Variants in TXNRD1 observed in about 807,000 individuals in gnomAD.
TXNRD1 encodes the protein thioredoxin reductase 1, cytoplasmic.
In TXNRD1, 57 loss-of-function variants were observed where a neutral mutation model predicts 80.3. The observed-to-expected ratio is 0.71, with a 90% confidence interval of 0.57 to 0.89. TXNRD1 has a LOEUF of 0.89. Ranked by LOEUF, TXNRD1 falls within the 40% of genes least tolerant of loss-of-function variation. TXNRD1 has a pLI of 0.00. For synonymous variants in TXNRD1, 291 were observed against 285.2 expected, an observed-to-expected ratio of 1.02 and a Z score of -0.20; for missense variants, 730 against 803.0, an observed-to-expected ratio of 0.91 and a Z score of 1.10.
intron 15 of TXNRD1, among the ~76,000 whole-genome samples, chr12:104,336,452 C>T (rs539094013): frequency 1.4e-4 from 22 of 152,282 alleles, no homozygotes; most frequent in African/African-American, 4.6e-4. Context: ...ATCCCTGGGG[C>T]GTGCTTTATT....
intron 4 of TXNRD1, chr12:104,290,907 A>G: frequency 1.8e-6 from 1 of 558,852 alleles, no homozygotes. Flanking sequence ...CACTCTTTTT[A>G]TAAGCTTTGG....
At chr12:104,283,396 C>T (rs565582091) in intron 3 of TXNRD1, among the ~76,000 whole-genome samples, 41 of 152,104 alleles carry the variant, frequency 2.7e-4, no homozygotes, top group African/African-American at 9.1e-4. Flanking sequence ...AGATTACAGG[C>T]GCCCACCACC....
intron 1 of TXNRD1, among the ~76,000 whole-genome samples, chr12:104,220,938 A>G (rs1031473829): frequency 3.3e-5 from 5 of 152,212 alleles, no homozygotes; most frequent in Admixed American, 1.3e-4. Flanking sequence ...GTATATAACT[A>G]TAAATGACTA....
chr12:104,301,282 G>A (rs956777057), intron 4 of TXNRD1, among the ~76,000 whole-genome samples: 7 of 152,186 alleles, frequency 4.6e-5, no homozygotes, highest in African/African-American at 1.4e-4. Flanking sequence ...AAGAAAATAG[G>A]CACCATAGGG....
chr12:104,299,056 G>C (rs938171131), intron 4 of TXNRD1, among the ~76,000 whole-genome samples: 4 of 152,170 alleles, frequency 2.6e-5, no homozygotes, highest in African/African-American at 7.2e-5. Context: ...TCAGCTCTCT[G>C]TATTCACCGG....
In TXNRD1 at chr12:104,313,610, TA is replaced by T. The variant is rs572551748; in HGVS notation, c.610+296del. On this transcript the variant is annotated intron_variant, in intron 6 of 16. Coordinates refer to ENST00000525566, the MANE Select transcript of TXNRD1 (RefSeq NM_001093771.3). Reference sequence around the variant, plus strand: ...TATAGGGGCTTAATAACTGAAAATTTAAACTTTTCATATGTGGATTTGTTTT... The same window carrying T: ...TATAGGGGCTTAATAACTGAAAATTTAACTTTTCATATGTGGATTTGTTTT... 2.0e-3 allele frequency among the ~76,000 whole-genome samples: 312 copies of T among 152,360 alleles called. 3 individuals carry two copies. Among genetic ancestry groups the T allele is most frequent in the African/African-American group, 6.9e-3 (289 of 41,586 alleles).
chr12:104,221,438 C>G (rs1019584343), intron 1 of TXNRD1, among the ~76,000 whole-genome samples: 2 of 152,178 alleles, frequency 1.3e-5, no homozygotes, highest in African/African-American at 4.8e-5. Flanking sequence ...CTGCCTCAGC[C>G]TCCCAAGTAG....
chr12:104,311,672 G>T lies in TXNRD1; in HGVS notation c.537+260G>T, dbSNP rs567944689. ...GTTTCCGTTCACTTTAAGTTTAATT[G>T]ATTTTTCAGAGATAATAAGGGTGTT... On this transcript the variant is annotated intron_variant, in intron 5 of 16. Transcript: ENST00000525566. Among the ~76,000 whole-genome samples the T allele has an allele frequency of 7.9e-5, 12 of 152,214 alleles. 1 individual carries two copies. In the South Asian group the frequency reaches 2.3e-3, roughly 29 times the overall value.
chr12:104,269,399 CTTTTT>C (rs71069741), intron 3 of TXNRD1, among the ~76,000 whole-genome samples: 1 of 120,442 alleles, frequency 8.3e-6, no homozygotes. Flanking sequence ...GTGTTTCTTT[CTTTTT>C]TTTTTTTTTT....
At chr12:104,247,651 TG>T (rs2135700747) in intron 1 of TXNRD1, among the ~76,000 whole-genome samples, 1 of 152,370 alleles carries the variant, frequency 6.6e-6, no homozygotes, top group South Asian at 2.1e-4. Context: ...TTTGTTTGTT[TG>T]TTTTTTTGGT....
At chr12:104,236,062 C>T (rs112165351) in intron 1 of TXNRD1, among the ~76,000 whole-genome samples, 75 of 152,240 alleles carry the variant, frequency 4.9e-4, no homozygotes, top group African/African-American at 1.5e-3. Flanking sequence ...GCTGCAGGCT[C>T]CTGGGCCATG....
chr12:104,332,951 G>C (rs1781188147), intron 14 of TXNRD1, among the ~76,000 whole-genome samples: 4 of 151,502 alleles, frequency 2.6e-5, no homozygotes. Flanking sequence ...GTGTGATTTT[G>C]TGTGAGTATG....
At position 104,215,895 on chromosome 12, in the gene TXNRD1, T is replaced by G; in HGVS notation, c.91+2T>G. 1 of 1,553,078 alleles carries G rather than the reference T, an allele frequency of 6.4e-7. No homozygotes were observed. The highest frequency in any genetic ancestry group is 8.7e-7 in the Non-Finnish European group (1 of 1,148,248). On this transcript the variant is annotated splice_donor_variant, in intron 1 of 16. Coordinates refer to ENST00000525566, the MANE Select transcript of TXNRD1 (RefSeq NM_001093771.3). LOFTEE classifies it high-confidence loss of function. ...ACGGCGATGGCCGCCGTAGGTCAGG[T>G]ACGACCGAGGGCGAAGGCCTGGTCC...
intron 1 of TXNRD1, among the ~76,000 whole-genome samples, chr12:104,244,552 C>T (rs1228242533): frequency 6.6e-6 from 1 of 152,042 alleles, no homozygotes; most frequent in Non-Finnish European, 1.5e-5. Flanking sequence ...TTCAGGATTC[C>T]TATATGTCGA....
intron 4 of TXNRD1, among the ~76,000 whole-genome samples, chr12:104,302,778 C>T (rs957988210): frequency 2.0e-5 from 3 of 152,268 alleles, no homozygotes. Context: ...CGTGAGCCAC[C>T]GCGCCCGGCC....
At chr12:104,337,683 C>A (rs1289383244) in intron 15 of TXNRD1, among the ~76,000 whole-genome samples, 1 of 151,752 alleles carries the variant, frequency 6.6e-6, no homozygotes, top group Non-Finnish European at 1.5e-5. Flanking sequence ...ATGGCAAAAC[C>A]CCATGTCTAT....
chr12:104,221,036 G>T (rs1254118323), intron 1 of TXNRD1, among the ~76,000 whole-genome samples: 3 of 152,186 alleles, frequency 2.0e-5, no homozygotes, highest in African/African-American at 7.2e-5. Context: ...GGGAGGCCCA[G>T]CTGGGAGGAT....
intron 4 of TXNRD1, among the ~76,000 whole-genome samples, chr12:104,291,717 C>T (rs1013861890): frequency 1.3e-5 from 2 of 152,138 alleles, no homozygotes; most frequent in Non-Finnish European, 2.9e-5. Flanking sequence ...CTTTTGACGC[C>T]GTGATCCACC....
chr12:104,329,656 A>T (rs528072092), intron 13 of TXNRD1, among the ~76,000 whole-genome samples: 244 of 152,254 alleles, frequency 1.6e-3, no homozygotes, highest in African/African-American at 3.6e-3. Context: ...TCCAAAAAAA[A>T]AAATAAATAA....
Sources: allele counts gnomAD v4.1 joint callset (sites outside exome capture counted in the v4.1 genomes callset), GRCh38; gene constraint gnomAD v4.1.1; transcripts MANE v1.5; gene names NCBI Gene and HGNC (gene_info 2026-07-23, HGNC 2026-07-21).